The following NDUFB6 variants were observed in gnomAD, a reference collection of about 807,000 sequenced individuals.
NDUFB6 encodes the protein NADH dehydrogenase [ubiquinone] 1 beta subcomplex subunit 6.
A neutral mutation model predicts 17.5 loss-of-function variants in NDUFB6; 23 were observed. That is an observed-to-expected ratio of 1.31 (90% confidence interval 0.94 to 1.86). The LOEUF (loss-of-function observed/expected upper bound fraction) is 1.86, where lower values mean the gene tolerates loss of function less well. Ranked by LOEUF, NDUFB6 falls within the 40% of genes most tolerant of loss-of-function variation. The pLI, the probability that NDUFB6 is intolerant of heterozygous loss-of-function variation, is 0.00. For missense variants in NDUFB6, 167 were observed against 153.8 expected, an observed-to-expected ratio of 1.09 and a Z score of -0.46; for synonymous variants, 60 against 53.5, an observed-to-expected ratio of 1.12 and a Z score of -0.53.
rs141538344 is a variant in NDUFB6 at position 32,558,836 on chromosome 9, A to G, written c.318+74T>C. The G allele has an allele frequency of 5.6e-5, 58 of 1,043,792 alleles. No homozygotes were observed. In the African/African-American group the frequency reaches 6.5e-4, roughly 12 times the overall value. 64.7% of individuals were successfully genotyped at this position (1,043,792 alleles called of 1,614,324 possible). The stretch of plus-strand genomic sequence containing the variant: ...GAAGGAAAGAACATTTTAATCTAAT[A>G]ATTGCTTGGAAAGGGAGGAAAAGGA... On this transcript the variant is annotated intron_variant, in intron 3 of 3. Transcript: ENST00000379847.
At chr9:32,569,419 C>T (rs1472525880) in intron 2 of NDUFB6, among the ~76,000 whole-genome samples, 1 of 151,968 alleles carries the variant, frequency 6.6e-6, no homozygotes, top group African/African-American at 2.4e-5. Context: ...GGGGTTTCAC[C>T]ATGTTGGCCA....
At chr9:32,569,741 T>C (rs1431826788) in intron 2 of NDUFB6, among the ~76,000 whole-genome samples, 1 of 152,154 alleles carries the variant, frequency 6.6e-6, no homozygotes, top group Non-Finnish European at 1.5e-5. Flanking sequence ...CGGTCGAACT[T>C]CTGGCCTCAA....
intron 2 of NDUFB6, chr9:32,565,394 T>C (rs1234438476): frequency 6.6e-6 from 1 of 152,172 alleles, no homozygotes; most frequent in Non-Finnish European, 1.5e-5. Context: ...TTTGGGCATT[T>C]AGAACAGTCA....
Position 32,553,877 on chromosome 9 carries a change from T to C in NDUFB6, c.386A>G (p.Ter129=). The C allele has an allele frequency of 6.4e-7, 1 of 1,570,102 alleles. No individual in the cohort carries two copies. The highest frequency in any genetic ancestry group is 8.8e-7 in the Non-Finnish European group (1 of 1,141,016). Residue 129 remains the stop codon, a stop_retained_variant, in exon 4 of 4, where the codon TAA becomes TGA. Transcript: ENST00000379847. ...PMKEFPDQHH[*] Reference sequence around the variant, plus strand: ...GCCTTTTAACTTTTTACATAATCTTTAATGATGTTGATCAGGAAATTCTTT... The same window carrying C: ...GCCTTTTAACTTTTTACATAATCTTCAATGATGTTGATCAGGAAATTCTTT...
intron 2 of NDUFB6, chr9:32,567,707 T>C (rs927518891): frequency 8.8e-6 from 3 of 342,520 alleles, no homozygotes; most frequent in African/African-American, 6.5e-5. Context: ...CTACAAATTT[T>C]AGGGGCAACA....
At chr9:32,570,493 T>G (rs1350863265) in intron 2 of NDUFB6, among the ~76,000 whole-genome samples, 1 of 152,114 alleles carries the variant, frequency 6.6e-6, no homozygotes, top group Non-Finnish European at 1.5e-5. Context: ...TCTGTATCAG[T>G]GAAAAAGTGC....
chr9:32,572,814 G>C lies in NDUFB6; in HGVS notation c.180+67C>G, dbSNP rs73479443. 2.2e-3 allele frequency: 3,129 copies of C among 1,403,578 alleles called. 62 individuals carry two copies. The African/African-American group carries it at 0.041, about 18-fold the overall frequency. The allele number at this position is 1,403,578 out of a possible 1,614,324, so 86.9% of individuals were successfully genotyped here. ...CTTGGTGTGGCTGCAGGGAGCGGAC[G>C]TTCAGTGTTCAGGCTGCCGGCAGCA... On this transcript the variant is annotated intron_variant, in intron 1 of 3. Coordinates refer to ENST00000379847, the MANE Select transcript of NDUFB6 (RefSeq NM_002493.5).
chr9:32,557,774 GC>G (rs930549805), intron 3 of NDUFB6, among the ~76,000 whole-genome samples: 2 of 152,124 alleles, frequency 1.3e-5, no homozygotes, highest in African/African-American at 4.8e-5. Context: ...ACCGCGCCTG[GC>G]CCCTCCCCCA....
intron 2 of NDUFB6, chr9:32,567,155 C>T (rs992315825): frequency 1.9e-5 from 9 of 476,540 alleles, no homozygotes; most frequent in Admixed American, 1.2e-4. Context: ...CTCTGGGCCC[C>T]GCAGGCAGTG....
intron 2 of NDUFB6, chr9:32,567,368 G>A (rs1054074147): frequency 2.4e-5 from 11 of 467,536 alleles, no homozygotes; most frequent in Admixed American, 7.0e-5. Flanking sequence ...ATGGAGTCTC[G>A]CTCTGTCACC....
At chr9:32,564,510 C>G (rs891014697) in intron 2 of NDUFB6, among the ~76,000 whole-genome samples, 1 of 95,062 alleles carries the variant, frequency 1.1e-5, no homozygotes, top group African/African-American at 4.4e-5. Flanking sequence ...AAATATTACA[C>G]TTTTTTAAAA....
At chr9:32,559,807 C>T (rs556127646) in intron 2 of NDUFB6, among the ~76,000 whole-genome samples, 114 of 152,212 alleles carry the variant, frequency 7.5e-4, no homozygotes, top group African/African-American at 2.6e-3. Flanking sequence ...ATATTTATTA[C>T]CAGTCTCTAA....
In NDUFB6 at chr9:32,553,599, A is replaced by G; in HGVS notation, c.*277T>C. The G allele has an allele frequency of 2.7e-6, 1 of 377,044 alleles. No individual in the cohort carries two copies. Among genetic ancestry groups the G allele is most frequent in the East Asian group, 6.0e-5 (1 of 16,602 alleles). 23.4% of individuals were successfully genotyped at this position (377,044 alleles called of 1,614,324 possible). A position where few individuals can be genotyped will look rare whatever the true frequency, so the allele number is the denominator to read the frequency against. On this transcript the variant is annotated 3_prime_UTR_variant, in exon 4 of 4. Transcript: ENST00000379847. ...ACCAAATTAGTGTAAGTACTGTGTAAGAAAAAAACAAACAAACATGTAACT... is the reference window on the plus strand; with the variant it reads ...ACCAAATTAGTGTAAGTACTGTGTAGGAAAAAAACAAACAAACATGTAACT...
rs112526069 is a variant in NDUFB6 at position 32,569,689 on chromosome 9, C to CTT, written c.273+1269_273+1270dup. Among the ~76,000 whole-genome samples the CTT allele has an allele frequency of 4.3e-4, 32 of 74,730 alleles. 1 individual carries two copies. Among genetic ancestry groups the CTT allele is most frequent in the South Asian group, 1.6e-3 (3 of 1,832 alleles). The allele number at this position is 74,730 out of a possible 152,430, so 49.0% of individuals were successfully genotyped here. A position where few individuals can be genotyped will look rare whatever the true frequency, so the allele number is the denominator to read the frequency against. On this transcript the variant is annotated intron_variant, in intron 2 of 3. Coordinates refer to ENST00000379847, the MANE Select transcript of NDUFB6 (RefSeq NM_002493.5). ...CCACTACATCCAGCTATTTTTTTTT[C>CTT]TTTTTTTTTGGAAACATGGAGTCTC...
At chr9:32,565,202 A>G (rs575111900) in intron 2 of NDUFB6, among the ~76,000 whole-genome samples, 9 of 152,062 alleles carry the variant, frequency 5.9e-5, no homozygotes, top group Non-Finnish European at 1.3e-4. Flanking sequence ...CTGAGGCAGG[A>G]GAATCACTTG....
Position 32,553,279 on chromosome 9 carries a change from T to G in NDUFB6, c.*597A>C. On this transcript the variant is annotated 3_prime_UTR_variant, in exon 4 of 4. Coordinates refer to ENST00000379847, the MANE Select transcript of NDUFB6 (RefSeq NM_002493.5). ...TCTCGGCTTACTGCAAGCTCCGCCT[T>G]CTGGGTTCACACCAATCTCGTGCCT... is the stretch of plus-strand genomic sequence containing the variant. 5.3e-6 allele frequency: 1 copy of G among 189,350 alleles called. No homozygotes were observed. The highest frequency in any genetic ancestry group is 1.1e-5 in the Non-Finnish European group (1 of 90,214). The allele number at this position is 189,350 out of a possible 1,614,324, so 11.7% of individuals were successfully genotyped here.
At chr9:32,567,804 CT>C (rs1563997473) in intron 2 of NDUFB6, 1 of 282,080 alleles carries the variant, frequency 3.5e-6, no homozygotes, top group African/African-American at 2.2e-5. Flanking sequence ...CCCCACCTCT[CT>C]CCCTCTCCTT....
At chr9:32,568,022 C>G (rs1478030614) in intron 2 of NDUFB6, 1 of 167,104 alleles carries the variant, frequency 6.0e-6, no homozygotes, top group African/African-American at 2.4e-5. Flanking sequence ...CGCACTCCAG[C>G]CTGAGTGACA....
chr9:32,565,005 T>C (rs539139946), intron 2 of NDUFB6, among the ~76,000 whole-genome samples: 1 of 152,190 alleles, frequency 6.6e-6, no homozygotes, highest in East Asian at 1.9e-4. Flanking sequence ...TATAAACAAT[T>C]CAGCAGGCCA....
Sources: allele counts gnomAD v4.1 joint callset (sites outside exome capture counted in the v4.1 genomes callset), GRCh38; gene constraint gnomAD v4.1.1; transcripts MANE v1.5; gene names NCBI Gene and HGNC (gene_info 2026-07-23, HGNC 2026-07-21).